The following MKRN2OS variants were observed in gnomAD, a reference collection of about 807,000 sequenced individuals.
MKRN2OS encodes MKRN2 opposite strand protein.
Under a neutral mutation model 18.2 loss-of-function variants are expected in MKRN2OS, and 17 were observed. The observed-to-expected ratio is 0.93, with a 90% CI of 0.64 to 1.40. MKRN2OS has a LOEUF of 1.40. Among genes scored for constraint, MKRN2OS ranks in the 40% most tolerant of loss-of-function variants. The pLI is 0.00. For missense variants in MKRN2OS, 337 were observed against 283.0 expected (o/e 1.19, Z -1.37); for synonymous variants, 121 against 108.5 (o/e 1.12, Z -0.72).
intron 1 of MKRN2OS, among the ~76,000 whole-genome samples, chr3:12,544,272 T>A (rs538254205): frequency 6.6e-6 from 1 of 152,198 alleles, no homozygotes; most frequent in African/African-American, 2.4e-5. Flanking sequence ...ACGCAGGAGC[T>A]GAACATATTT....
At position 12,539,964 on chromosome 3, in the gene MKRN2OS, T is replaced by C; in HGVS notation, c.*229A>G. The C allele has an allele frequency of 2.0e-6, 1 of 508,884 alleles. No homozygotes were observed. 31.5% of individuals were successfully genotyped at this position (508,884 alleles called of 1,614,324 possible). On this transcript the variant is annotated 3_prime_UTR_variant, in exon 4 of 4. Transcript: ENST00000564146. ...CCATGCCCAGCTAATTTTATATTTT[T>C]AGTAAGGACGGGGTTTCTCCATGTT...
At chr3:12,546,512 ATTT>A (rs965618627), upstream of MKRN2OS, among the ~76,000 whole-genome samples, 16 of 150,584 alleles carry the variant, frequency 1.1e-4, no homozygotes, top group East Asian at 2.9e-3. Flanking sequence ...TTTTAAAATA[ATTT>A]TTTAATTTTC....
Position 12,545,316 on chromosome 3 carries a change from T to G in MKRN2OS, c.149A>C (p.Asn50Thr). The part of the protein sequence containing the change: ...KLEDAPVSIA[N>T]PFTNGHQEKC... ...TTCTTGATGTCCATTAGTAAATGGA[T>G]TAGCGATGCTAACAGGTGCGTCCTC... Residue 50 changes from asparagine (N) to threonine (T), a missense_variant, in exon 1 of 4, where the codon AAT (asparagine) becomes ACT (threonine). Coordinates refer to ENST00000564146, the MANE Select transcript of MKRN2OS (RefSeq NM_001195279.2). The G allele has an allele frequency of 6.5e-7, 1 of 1,536,128 alleles. No individual in the cohort carries two copies. Among genetic ancestry groups the G allele is most frequent in the Non-Finnish European group, 8.7e-7 (1 of 1,146,900 alleles).
chr3:12,543,691 GC>G (rs1210340020), intron 1 of MKRN2OS, among the ~76,000 whole-genome samples: 1 of 150,872 alleles, frequency 6.6e-6, no homozygotes, highest in Non-Finnish European at 1.5e-5. Flanking sequence ...TTCGAGACCA[GC>G]CTGGAAAACA....
downstream of MKRN2OS, among the ~76,000 whole-genome samples, chr3:12,550,628 C>A (rs1346901169): frequency 1.4e-4 from 21 of 152,206 alleles, no homozygotes; most frequent in Admixed American, 1.4e-3. Context: ...ATTTTACTTT[C>A]TTTTCATTCC....
chr3:12,560,589 AGATT>A (rs2058028995), intron 1 of MKRN2OS, among the ~76,000 whole-genome samples: 1 of 152,060 alleles, frequency 6.6e-6, no homozygotes, highest in Admixed American at 6.5e-5. Context: ...GTAAGAAACC[AGATT>A]GATTGTTTTG....
intron 1 of MKRN2OS, chr3:12,557,032 T>TGCGCCGGCGA: frequency 9.0e-7 from 1 of 1,115,978 alleles, no homozygotes. Context: ...AGGGGCGGCG[T>TGCGCCGGCGA]GCGCCGGCGT....
chr3:12,540,119 T>C lies in MKRN2OS; in HGVS notation c.*74A>G. 1 of 1,522,602 alleles carries C rather than the reference T, an allele frequency of 6.6e-7. No individual in the cohort carries two copies. Among genetic ancestry groups the C allele is most frequent in the African/African-American group, 1.4e-5 (1 of 72,746 alleles). 94.3% of individuals were successfully genotyped at this position (1,522,602 alleles called of 1,614,324 possible). Reference sequence around the variant, plus strand: ...TTTTATTAACCACAGTTAAATGCATTTAGAAATCCATAGTACTGATTAAAG... The same window carrying C: ...TTTTATTAACCACAGTTAAATGCATCTAGAAATCCATAGTACTGATTAAAG... On this transcript the variant is annotated 3_prime_UTR_variant, in exon 4 of 4. Transcript: ENST00000564146.
upstream of MKRN2OS, among the ~76,000 whole-genome samples, chr3:12,549,242 C>T (rs2057910355): frequency 6.7e-6 from 1 of 150,304 alleles, no homozygotes; most frequent in African/African-American, 2.5e-5. Context: ...CACACCTGGC[C>T]TATGTTATTT....
intron 3 of MKRN2OS, among the ~76,000 whole-genome samples, 188 bp downstream of exon 3, chr3:12,541,672 A>C (rs554824983): frequency 1.3e-5 from 2 of 152,264 alleles, no homozygotes; most frequent in Non-Finnish European, 2.9e-5. Flanking sequence ...GTGTATGCTG[A>C]CCCACCTCTG....
chr3:12,543,800 G>A (rs1255806880), intron 1 of MKRN2OS, among the ~76,000 whole-genome samples: 5 of 147,792 alleles, frequency 3.4e-5, no homozygotes, highest in African/African-American at 1.3e-4. Flanking sequence ...ACTGAGACAC[G>A]AGAATCGCTT....
At position 12,539,847 on chromosome 3, in the gene MKRN2OS, A is replaced by G. The variant is rs190589451; in HGVS notation, c.*346T>C. 2.1e-4 allele frequency: 54 copies of G among 253,832 alleles called. No individual in the cohort carries two copies. The highest frequency in any genetic ancestry group is 3.1e-4 in the South Asian group (5 of 16,250). The allele number at this position is 253,832 out of a possible 1,614,324, so 15.7% of individuals were successfully genotyped here. On this transcript the variant is annotated 3_prime_UTR_variant, in exon 4 of 4. Transcript: ENST00000564146. ...GTTGCCCAGGCTGGAGTGCAATGGC[A>G]CGATCTCAACTCATCCCAACCTCCG...
Position 12,540,622 on chromosome 3 carries a change from C to T in MKRN2OS, c.432-189G>A, listed in dbSNP as rs143807251. ...GGTGCGGTGGCTCACACCTGTAATCCCAGCACTTTGGGAAGCGAGGGTGGG... is the reference window on the plus strand; with the variant it reads ...GGTGCGGTGGCTCACACCTGTAATCTCAGCACTTTGGGAAGCGAGGGTGGG... On this transcript the variant is annotated intron_variant, in intron 3 of 3. Coordinates refer to ENST00000564146, the MANE Select transcript of MKRN2OS (RefSeq NM_001195279.2). Among the ~76,000 whole-genome samples, 9 of 152,096 alleles carry T rather than the reference C, an allele frequency of 5.9e-5. No homozygotes were observed. The East Asian group carries it at 1.7e-3, about 29-fold the overall frequency.
rs577145054 is a variant in MKRN2OS, at chr3:12,541,795, A to G, written c.431+65T>C. On this transcript the variant is annotated intron_variant, in intron 3 of 3. Transcript: ENST00000564146. ...GCTGAGTCCTCTGTGAGCTGAGGCT[A>G]CACGGGGATCCCACTTGCATAGCAT... 1.0e-4 allele frequency: 155 copies of G among 1,476,608 alleles called. 1 individual carries two copies. In the South Asian group the frequency reaches 2.0e-3, roughly 19 times the overall value. The allele number at this position is 1,476,608 out of a possible 1,614,324, so 91.5% of individuals were successfully genotyped here.
At chr3:12,556,535 A>G (rs576751500) in intron 1 of MKRN2OS, among the ~76,000 whole-genome samples, 1 of 152,248 alleles carries the variant, frequency 6.6e-6, no homozygotes, top group African/African-American at 2.4e-5. Flanking sequence ...CACCATAGGA[A>G]ATGGAAGACG....
chr3:12,549,253 ATTTG>A (rs548354263), upstream of MKRN2OS, among the ~76,000 whole-genome samples: 5 of 135,768 alleles, frequency 3.7e-5, no homozygotes, highest in African/African-American at 1.1e-4. Context: ...TATGTTATTT[ATTTG>A]TTTGTTTGTT....
chr3:12,556,996 C>T, intron 1 of MKRN2OS: 1 of 831,036 alleles, frequency 1.2e-6, no homozygotes, highest in Non-Finnish European at 1.6e-6. Context: ...AGGTTACCCG[C>T]CGGCGCTACA....
upstream of MKRN2OS, among the ~76,000 whole-genome samples, chr3:12,547,777 G>C (rs1279053900): frequency 2.0e-5 from 3 of 152,066 alleles, no homozygotes; most frequent in East Asian, 1.9e-4. Context: ...GCAGGTAAAG[G>C]CACTTCAGGA....
intron 1 of MKRN2OS, among the ~76,000 whole-genome samples, chr3:12,555,246 A>G (rs1364829243): frequency 2.1e-5 from 3 of 139,616 alleles, no homozygotes; most frequent in African/African-American, 8.2e-5. Context: ...CGGGAGGTGG[A>G]GGTTGCAGTG....
Sources: allele counts gnomAD v4.1 joint callset (sites outside exome capture counted in the v4.1 genomes callset), GRCh38; gene constraint gnomAD v4.1.1; transcripts MANE v1.5; gene names NCBI Gene and HGNC (gene_info 2026-07-23, HGNC 2026-07-21).